Variants in MSH3 observed in about 807,000 individuals in gnomAD.
MSH3 encodes the protein mutS homolog 3.
Under a neutral mutation model 123.3 loss-of-function variants are expected in MSH3, and 106 were observed. The ratio of observed to expected loss-of-function variants is 0.86; its 90% CI spans 0.73 to 1.01. The LOEUF (loss-of-function observed/expected upper bound fraction) is 1.01, where lower values mean the gene tolerates loss of function less well. Ranked by LOEUF, MSH3 falls within the 50% of genes least tolerant of loss-of-function variation. MSH3 has a pLI of 0.00. For synonymous variants in MSH3, 515 were observed against 481.4 expected (o/e 1.07, Z -0.91); for missense variants, 1,459 against 1,347.6 (o/e 1.08, Z -1.29).
intron 15 of MSH3, among the ~76,000 whole-genome samples, chr5:80,771,385 A>G (rs1392304934): frequency 6.6e-6 from 1 of 151,818 alleles, no homozygotes; most frequent in African/African-American, 2.4e-5. Context: ...AGACTAAGGT[A>G]GAGAATCACT....
chr5:80,741,610 C>T, intron 11 of MSH3, 62 bp downstream of exon 11: 1 of 1,170,008 alleles, frequency 8.5e-7, no homozygotes, highest in South Asian at 1.2e-5. Flanking sequence ...CTGAGTAAGG[C>T]AGCAGTCTGT....
chr5:80,869,497 C>A (rs1159349545), intron 22 of MSH3, among the ~76,000 whole-genome samples: 1 of 152,012 alleles, frequency 6.6e-6, no homozygotes, highest in Non-Finnish European at 1.5e-5. Context: ...CCCAACCCCT[C>A]TCGCACACAG....
At chr5:80,712,068 G>T (rs1016231388) in intron 8 of MSH3, among the ~76,000 whole-genome samples, 1 of 152,130 alleles carries the variant, frequency 6.6e-6, no homozygotes, top group African/African-American at 2.4e-5. Flanking sequence ...GCTGGAATTG[G>T]GCATGGCTGG....
intron 19 of MSH3, among the ~76,000 whole-genome samples, chr5:80,805,308 CAAGCCATTTTAGAAGGGGTGGTGGAAAA>C (rs1272381551): frequency 3.3e-5 from 5 of 152,128 alleles, no homozygotes; most frequent in African/African-American, 7.2e-5. Flanking sequence ...AGTGATCAGG[CAAGCCATTTTAGAAGGGGTGGTGGAAAA>C]AACTTCTCCA....
At chr5:80,798,293 G>GC (rs1744733476) in intron 19 of MSH3, among the ~76,000 whole-genome samples, 1 of 152,158 alleles carries the variant, frequency 6.6e-6, no homozygotes, top group Non-Finnish European at 1.5e-5. Context: ...TCAGTCATTA[G>GC]CTCCGCATGT....
At chr5:80,767,403 G>A (rs1744141284) in intron 13 of MSH3, among the ~76,000 whole-genome samples, 1 of 151,982 alleles carries the variant, frequency 6.6e-6, no homozygotes, top group Admixed American at 6.6e-5. Context: ...TAAATCTTTG[G>A]CGTTCCGATA....
At chr5:80,712,937 T>C (rs933337680) in intron 8 of MSH3, among the ~76,000 whole-genome samples, 2 of 152,200 alleles carry the variant, frequency 1.3e-5, no homozygotes, top group African/African-American at 2.4e-5. Flanking sequence ...TTACCTTGTC[T>C]GTCCTACTCA....
intron 20 of MSH3, among the ~76,000 whole-genome samples, chr5:80,837,676 C>G (rs924090243): frequency 6.6e-6 from 1 of 152,134 alleles, no homozygotes; most frequent in Non-Finnish European, 1.5e-5. Context: ...ATTTATAGAA[C>G]AAAGATACTG....
intron 20 of MSH3, among the ~76,000 whole-genome samples, chr5:80,814,495 T>C (rs1745067985): frequency 6.7e-6 from 1 of 150,224 alleles, no homozygotes; most frequent in African/African-American, 2.5e-5. Context: ...TAGTCTTGAC[T>C]CCTGACCCCA....
intron 20 of MSH3, among the ~76,000 whole-genome samples, chr5:80,840,770 G>C (rs1293592593): frequency 6.6e-6 from 1 of 151,764 alleles, no homozygotes; most frequent in Non-Finnish European, 1.5e-5. Context: ...ACAGGCCCCG[G>C]TGTGTGATGT....
chr5:80,680,976 T>TA (rs2112820698), intron 8 of MSH3, among the ~76,000 whole-genome samples: 1 of 152,322 alleles, frequency 6.6e-6, no homozygotes, highest in East Asian at 1.9e-4. Context: ...TTCCTTAAGA[T>TA]AAATTCCTGA....
chr5:80,835,150 A>G (rs1313205276), intron 20 of MSH3, among the ~76,000 whole-genome samples: 2 of 152,358 alleles, frequency 1.3e-5, no homozygotes, highest in South Asian at 2.1e-4. Context: ...ACCAAATTCT[A>G]TGTAGAGAGC....
chr5:80,687,643 T>A (rs530455935), intron 8 of MSH3, among the ~76,000 whole-genome samples: 1 of 152,194 alleles, frequency 6.6e-6, no homozygotes, highest in South Asian at 2.1e-4. Flanking sequence ...GCTGGAAATA[T>A]TAGAGAAGTG....
chr5:80,688,023 C>T (rs1027137157), intron 8 of MSH3, among the ~76,000 whole-genome samples: 1 of 152,104 alleles, frequency 6.6e-6, no homozygotes, highest in African/African-American at 2.4e-5. Context: ...ATTTGTCACA[C>T]GTGGTATAAC....
intron 19 of MSH3, among the ~76,000 whole-genome samples, chr5:80,793,680 T>C (rs750971856): frequency 2.0e-5 from 3 of 152,058 alleles, no homozygotes; most frequent in Non-Finnish European, 4.4e-5. Flanking sequence ...TGAAAGATGA[T>C]GAGTAAGGTT....
At chr5:80,801,377 T>A (rs1561482862) in intron 19 of MSH3, among the ~76,000 whole-genome samples, 1 of 152,144 alleles carries the variant, frequency 6.6e-6, no homozygotes, top group African/African-American at 2.4e-5. Context: ...GTCTTGTGTC[T>A]TTTTTCCTGC....
At chr5:80,804,504 C>T (rs996825337) in intron 19 of MSH3, among the ~76,000 whole-genome samples, 1 of 152,252 alleles carries the variant, frequency 6.6e-6, no homozygotes, top group African/African-American at 2.4e-5. Flanking sequence ...ACCCCAAGTC[C>T]AGTAATACTG....
rs368569066 is a variant in MSH3 at position 80,867,610 on chromosome 5, A to C, written c.3130+2668A>C. Among the ~76,000 whole-genome samples, 18 of 152,314 alleles carry C rather than the reference A, an allele frequency of 1.2e-4. No homozygotes were observed. In the East Asian group the frequency reaches 2.5e-3, roughly 21 times the overall value. On this transcript the variant is annotated intron_variant, in intron 22 of 23. Coordinates refer to ENST00000265081, the MANE Select transcript of MSH3 (RefSeq NM_002439.5). ...TTCCTTATAAAATCAAGGTTTTCTT[A>C]GGGGTGGAATAAATGTTGAATTAGG...
chr5:80,864,034 C>T (rs926393934), intron 21 of MSH3, among the ~76,000 whole-genome samples: 8 of 152,040 alleles, frequency 5.3e-5, no homozygotes, highest in Admixed American at 5.2e-4. Flanking sequence ...CTTTGCAGGG[C>T]AATTTAAGGC....
Sources: allele counts gnomAD v4.1 joint callset (sites outside exome capture counted in the v4.1 genomes callset), GRCh38; gene constraint gnomAD v4.1.1; transcripts MANE v1.5; gene names NCBI Gene and HGNC (gene_info 2026-07-23, HGNC 2026-07-21).